The following PPP1R1C variants were observed in gnomAD, a reference collection of about 807,000 sequenced individuals.
PPP1R1C encodes protein phosphatase 1 regulatory inhibitor subunit 1C.
In PPP1R1C, 15 loss-of-function variants were observed where a neutral mutation model predicts 17.4. The observed-to-expected ratio is 0.86, with a 90% CI of 0.58 to 1.33. The LOEUF (loss-of-function observed/expected upper bound fraction) is 1.33, where lower values mean the gene tolerates loss of function less well. PPP1R1C is among the 40% of genes most tolerant of loss of function. The pLI, the probability that PPP1R1C is intolerant of heterozygous loss-of-function variation, is 0.00. For synonymous variants in PPP1R1C, 35 were observed against 43.1 expected, an observed-to-expected ratio of 0.81 and a Z score of 0.73; for missense variants, 143 against 130.0, an observed-to-expected ratio of 1.10 and a Z score of -0.48.
intron 4 of PPP1R1C, among the ~76,000 whole-genome samples, chr2:182,066,110 G>A (rs1439353930): frequency 1.3e-5 from 2 of 152,068 alleles, no homozygotes; most frequent in African/African-American, 4.8e-5. Flanking sequence ...AATCTTATCA[G>A]CTTTTTGTGG....
intron 1 of PPP1R1C, among the ~76,000 whole-genome samples, chr2:181,972,504 A>C (rs1472576654): frequency 2.6e-5 from 4 of 152,154 alleles, no homozygotes; most frequent in East Asian, 1.9e-4. Context: ...ACAAAAAAAA[A>C]ACACAATACA....
chr2:182,083,920 G>A (rs1277549152), intron 4 of PPP1R1C, among the ~76,000 whole-genome samples: 1 of 152,022 alleles, frequency 6.6e-6, no homozygotes, highest in Admixed American at 6.6e-5. Context: ...ATCCAAATCA[G>A]CATCTGTTAC....
At chr2:182,069,402 G>T (rs1688078805) in intron 4 of PPP1R1C, among the ~76,000 whole-genome samples, 1 of 151,796 alleles carries the variant, frequency 6.6e-6, no homozygotes, top group Admixed American at 6.6e-5. Context: ...GGTGGAGTCA[G>T]GTTGGAGAAG....
Position 182,117,204 on chromosome 2 carries a change from C to T in PPP1R1C, c.242-3C>T, listed in dbSNP as rs749589253. On this transcript the variant is annotated splice_polypyrimidine_tract_variant and splice_region_variant and intron_variant, in intron 4 of 4. Transcript: ENST00000682840. Reference sequence around the variant, plus strand: ...AAATTTTGCATAATTTTTATAATTTCAGGGGTTAAGCATCTGAAAGGCCAG... The same window carrying T: ...AAATTTTGCATAATTTTTATAATTTTAGGGGTTAAGCATCTGAAAGGCCAG... 6.6e-5 allele frequency: 101 copies of T among 1,530,762 alleles called. No homozygotes were observed. Among genetic ancestry groups the T allele is most frequent in the Non-Finnish European group, 8.5e-5 (96 of 1,133,548 alleles). 94.8% of individuals were successfully genotyped at this position (1,530,762 alleles called of 1,614,324 possible).
At chr2:182,016,864 A>C (rs1686276558) in intron 2 of PPP1R1C, among the ~76,000 whole-genome samples, 1 of 152,222 alleles carries the variant, frequency 6.6e-6, no homozygotes, top group Non-Finnish European at 1.5e-5. Context: ...GTGGTTAGAC[A>C]TCTGTTTAAG....
At chr2:182,119,314 A>T (rs989335320), downstream of PPP1R1C, among the ~76,000 whole-genome samples, 6 of 152,080 alleles carry the variant, frequency 3.9e-5, no homozygotes, top group African/African-American at 1.4e-4. Flanking sequence ...ATTGTTGGAC[A>T]TTTGGGTTGG....
intron 4 of PPP1R1C, among the ~76,000 whole-genome samples, chr2:182,086,494 T>C (rs1226129547): frequency 2.0e-5 from 3 of 152,204 alleles, no homozygotes; most frequent in East Asian, 3.8e-4. Context: ...CCTCTTGTTA[T>C]AGGATTCTGC....
At chr2:181,984,181 C>T (rs979047878), upstream of PPP1R1C, among the ~76,000 whole-genome samples, 5 of 152,036 alleles carry the variant, frequency 3.3e-5, no homozygotes, top group African/African-American at 1.2e-4. Flanking sequence ...TGAGTGATTC[C>T]GTGCTGGCCT....
intron 4 of PPP1R1C, among the ~76,000 whole-genome samples, chr2:182,116,667 T>G (rs888239437): frequency 1.3e-5 from 2 of 152,174 alleles, no homozygotes; most frequent in African/African-American, 4.8e-5. Context: ...CCAATGTTTT[T>G]CCCACTGTAT....
chr2:182,014,966 G>A (rs1449329265), intron 2 of PPP1R1C, among the ~76,000 whole-genome samples: 1 of 152,032 alleles, frequency 6.6e-6, no homozygotes, highest in Non-Finnish European at 1.5e-5. Context: ...ATCTTGCTCA[G>A]GGCGGGTGCG....
In PPP1R1C at chr2:181,967,802, G is replaced by A. The variant is rs567200052; in HGVS notation, n.112-7417G>A. Among the ~76,000 whole-genome samples the A allele has an allele frequency of 1.3e-5, 2 of 152,100 alleles. No individual in the cohort carries two copies. Among genetic ancestry groups the A allele is most frequent in the East Asian group, 1.9e-4 (1 of 5,178 alleles). On this transcript the variant is annotated intron_variant and non_coding_transcript_variant, in intron 1 of 5. Transcript: ENST00000464264. This position sits in a 1 kb window ranked among gnomAD's most constrained non-coding sequence, Gnocchi z 5.5. ...ACATTCTTGGCTCACTGCAACCTCCGCCTTCCAGGTTCAAGCAATTCTCCT... is the reference window on the plus strand; with the variant it reads ...ACATTCTTGGCTCACTGCAACCTCCACCTTCCAGGTTCAAGCAATTCTCCT...
rs1349925913 is a variant in PPP1R1C, at chr2:181,996,029, C to T, written c.142+8130C>T. 2.6e-5 allele frequency among the ~76,000 whole-genome samples: 4 copies of T among 152,230 alleles called. No homozygotes were observed. In the East Asian group the frequency reaches 7.7e-4, roughly 29 times the overall value. ...TGGAGAACACAAGCTCCATCCAAGG[C>T]TTTCAAATTAAACAGATAAAACTGC... On this transcript the variant is annotated intron_variant, in intron 2 of 4. Transcript: ENST00000682840.
intron 4 of PPP1R1C, among the ~76,000 whole-genome samples, chr2:182,115,283 C>T (rs1323201632): frequency 6.6e-6 from 1 of 152,086 alleles, no homozygotes; most frequent in Non-Finnish European, 1.5e-5. Flanking sequence ...AAGTTTGGGT[C>T]AGCAGCCAAA....
chr2:181,969,334 C>A (rs1001718935), intron 1 of PPP1R1C, among the ~76,000 whole-genome samples: 1 of 152,110 alleles, frequency 6.6e-6, no homozygotes, highest in East Asian at 1.9e-4. Context: ...ATTTATTTCT[C>A]CTTCATGTTT....
rs773298577 is a variant in PPP1R1C, at chr2:181,967,263, A to T, written n.112-7956A>T. Among the ~76,000 whole-genome samples, 1 of 151,846 alleles carries T rather than the reference A, an allele frequency of 6.6e-6. No homozygotes were observed. Among genetic ancestry groups the T allele is most frequent in the African/African-American group, 2.4e-5 (1 of 41,360 alleles). ...CAAAAAACCAAATTTTCCCTTTATT[A>T]ATCTCATATTTTTTGGTTTCAATTT... On this transcript the variant is annotated intron_variant and non_coding_transcript_variant, in intron 1 of 5. Transcript: ENST00000464264. This position sits in a 1 kb window ranked among gnomAD's most constrained non-coding sequence, Gnocchi z 5.5.
At chr2:181,970,214 G>A (rs1684981734) in intron 1 of PPP1R1C, among the ~76,000 whole-genome samples, 1 of 151,738 alleles carries the variant, frequency 6.6e-6, no homozygotes, top group South Asian at 2.1e-4. Context: ...TCTGGGCGTT[G>A]AAGGATTAGG....
In PPP1R1C at chr2:182,106,483, C is replaced by T. The variant is rs1689256512; in HGVS notation, c.242-10724C>T. 2.0e-5 allele frequency among the ~76,000 whole-genome samples: 3 copies of T among 152,192 alleles called. 1 individual carries two copies. The South Asian group carries it at 6.2e-4, about 32-fold the overall frequency. ...GGGTGGTGGTCGGACGAGAGCCCAG[C>T]CACTGAGTGGCCTGACTCCAGGGGA... On this transcript the variant is annotated intron_variant, in intron 4 of 4. Coordinates refer to ENST00000682840, the MANE Select transcript of PPP1R1C (RefSeq NM_001080545.3).
rs1689622672 is a variant in PPP1R1C at position 182,117,446 on chromosome 2, C to A, written c.*151C>A. ...GTAGCTATGCACATCCTGGAAGTCT[C>A]CTTGACTGAACTTTAGAACTAAGTA... is the stretch of plus-strand genomic sequence containing the variant. On this transcript the variant is annotated 3_prime_UTR_variant, in exon 5 of 5. Coordinates refer to ENST00000682840, the MANE Select transcript of PPP1R1C (RefSeq NM_001080545.3). The A allele has an allele frequency of 7.0e-6, 4 of 570,304 alleles. No homozygotes were observed. The highest frequency in any genetic ancestry group is 1.2e-5 in the Non-Finnish European group (4 of 321,304). The allele number at this position is 570,304 out of a possible 1,614,324, so 35.3% of individuals were successfully genotyped here.
rs187358886 is a variant in PPP1R1C at position 182,086,223 on chromosome 2, T to C, written c.241+22432T>C. On this transcript the variant is annotated intron_variant, in intron 4 of 4. Transcript: ENST00000682840. ...TCAAGAGCTGTCACAAGTTAAGCTG[T>C]CATAAGCTAACACTTTAAAGGAAAG... Among the ~76,000 whole-genome samples the C allele has an allele frequency of 3.0e-3, 449 of 152,196 alleles. 1 individual carries two copies. Among genetic ancestry groups the C allele is most frequent in the Middle Eastern group, 0.01 (3 of 292 alleles).
Sources: gnomAD v4.1 joint callset for allele counts (sites outside exome capture counted in the v4.1 genomes callset) on GRCh38, gnomAD v4.1.1 for gene constraint, Gnocchi (gnomAD v3.1) non-coding constraint, MANE v1.5 for transcripts, NCBI Gene and HGNC (gene_info 2026-07-23, HGNC 2026-07-21) for gene names.